FGF14: variants seen among roughly 807,000 people sequenced by gnomAD.
The protein encoded by FGF14 is fibroblast growth factor homologous factor 4.
In FGF14, 5 loss-of-function variants were observed where a neutral mutation model predicts 25.5. The ratio of observed to expected loss-of-function variants is 0.20; its 90% confidence interval spans 0.10 to 0.41. FGF14 has a LOEUF of 0.41. FGF14 is among the 10% of genes least tolerant of loss of function. The pLI is 1.00. For synonymous variants in FGF14, 138 were observed against 118.3 expected (o/e 1.17, Z -1.08); for missense variants, 222 against 320.1 (o/e 0.69, Z 2.34).
At chr13:101,788,916 A>G (rs2040052542) in intron 3 of FGF14, among the ~76,000 whole-genome samples, 1 of 12,466 alleles carries the variant, frequency 8.0e-5, no homozygotes, top group East Asian at 5.0e-3. Flanking sequence ...ATATAGAGAG[A>G]GAGAGAGAGA....
At chr13:102,202,627 G>A (rs2049714945) in intron 1 of FGF14, among the ~76,000 whole-genome samples, 2 of 152,204 alleles carry the variant, frequency 1.3e-5, no homozygotes, top group Admixed American at 1.3e-4. Context: ...TTAGCAGTAT[G>A]GCTGTTGCTA....
chr13:101,873,897 A>G (rs77728370), intron 2 of FGF14, among the ~76,000 whole-genome samples: 6,784 of 152,166 alleles, frequency 0.045, 418 homozygotes, highest in African/African-American at 0.13. Context: ...AAACATAAAA[A>G]GGAAAAATTT....
chr13:102,396,845 T>G (rs2058596852), intron 1 of FGF14, among the ~76,000 whole-genome samples: 1 of 152,218 alleles, frequency 6.6e-6, no homozygotes, highest in Admixed American at 6.5e-5. Flanking sequence ...CTACCTAAAA[T>G]GCCATCCTTT....
intron 1 of FGF14, among the ~76,000 whole-genome samples, chr13:102,042,369 TA>T (rs774681869): frequency 1.6e-4 from 25 of 152,218 alleles, no homozygotes; most frequent in Non-Finnish European, 2.9e-4. Flanking sequence ...CACTGCAGTC[TA>T]GCTCAGTGAA....
chr13:101,736,938 T>TG (rs1389292695), intron 3 of FGF14, among the ~76,000 whole-genome samples: 1 of 150,576 alleles, frequency 6.6e-6, no homozygotes, highest in African/African-American at 2.4e-5. Context: ...ACAACAGCAA[T>TG]GGCAACCACA....
intron 1 of FGF14, among the ~76,000 whole-genome samples, chr13:102,191,498 G>A (rs1594346714): frequency 1.3e-5 from 2 of 152,120 alleles, no homozygotes; most frequent in South Asian, 4.2e-4. Context: ...TCTTTTAAGG[G>A]CACTAATCCC....
intron 1 of FGF14, among the ~76,000 whole-genome samples, chr13:102,158,056 C>G (rs981709840): frequency 6.6e-6 from 1 of 152,184 alleles, no homozygotes; most frequent in Admixed American, 6.5e-5. Flanking sequence ...AATAGGAATA[C>G]TTTTACACTG....
intron 1 of FGF14, among the ~76,000 whole-genome samples, chr13:101,924,379 G>A (rs539844581): frequency 4.6e-5 from 7 of 152,200 alleles, no homozygotes; most frequent in African/African-American, 1.7e-4. Context: ...CACACATGTT[G>A]TATGCATTTG....
At chr13:102,019,388 G>A (rs773582357) in intron 1 of FGF14, among the ~76,000 whole-genome samples, 2 of 152,120 alleles carry the variant, frequency 1.3e-5, no homozygotes, top group African/African-American at 4.8e-5. Flanking sequence ...CCCTCTACTA[G>A]TGAAGACTTT....
At chr13:102,098,285 CGTGT>C (rs1490303079) in intron 1 of FGF14, among the ~76,000 whole-genome samples, 2 of 152,150 alleles carry the variant, frequency 1.3e-5, no homozygotes, top group Non-Finnish European at 2.9e-5. Context: ...TCTAGAAAGT[CGTGT>C]CCCTAGATAT....
intron 1 of FGF14, among the ~76,000 whole-genome samples, chr13:101,959,711 T>C (rs926212663): frequency 1.3e-4 from 20 of 152,180 alleles, no homozygotes; most frequent in African/African-American, 4.8e-4. Context: ...TCTGAGTGTT[T>C]TGTTCATACT....
intron 1 of FGF14, among the ~76,000 whole-genome samples, chr13:102,120,348 C>T (rs1047141467): frequency 6.6e-6 from 1 of 152,130 alleles, no homozygotes; most frequent in East Asian, 1.9e-4. Context: ...CCAAAAGTAC[C>T]GCTAAGCCAT....
chr13:102,278,465 A>C (rs1426174498), intron 1 of FGF14, among the ~76,000 whole-genome samples: 3 of 152,174 alleles, frequency 2.0e-5, no homozygotes, highest in Non-Finnish European at 2.9e-5. Context: ...GCATTTCACC[A>C]TCTGATGAGG....
rs547239550 is a variant in FGF14 at position 102,200,877 on chromosome 13, C to T, written c.208+200594G>A. ...CAGCACATTGGGAGGACAAGGCGGGCGGATCATGAGGTCGGGAGATCGAGA... is the reference window on the plus strand; with the variant it reads ...CAGCACATTGGGAGGACAAGGCGGGTGGATCATGAGGTCGGGAGATCGAGA... On this transcript the variant is annotated intron_variant, in intron 1 of 4. Coordinates refer to the FGF14 transcript ENST00000376131. Among the ~76,000 whole-genome samples the T allele has an allele frequency of 3.6e-4, 55 of 151,760 alleles. No individual in the cohort carries two copies. In the South Asian group the frequency reaches 0.011, roughly 30 times the overall value.
chr13:102,257,563 C>T (rs1297245183), intron 1 of FGF14, among the ~76,000 whole-genome samples: 1 of 151,614 alleles, frequency 6.6e-6, no homozygotes, highest in African/African-American at 2.4e-5. Context: ...AAACTCCTGA[C>T]CTGAAGTGAT....
intron 1 of FGF14, among the ~76,000 whole-genome samples, chr13:102,082,219 C>T (rs1186859836): frequency 6.8e-6 from 1 of 147,198 alleles, no homozygotes; most frequent in African/African-American, 2.5e-5. Context: ...TCTATTATCT[C>T]ATAGAAGGGG....
chr13:101,862,130 C>T (rs956637973), intron 3 of FGF14, among the ~76,000 whole-genome samples: 11 of 152,002 alleles, frequency 7.2e-5, no homozygotes, highest in East Asian at 3.9e-4. Context: ...TTCTACACCA[C>T]GTAGAAAGTT....
intron 3 of FGF14, among the ~76,000 whole-genome samples, chr13:101,820,248 A>C (rs1193222415): frequency 6.6e-6 from 1 of 152,214 alleles, no homozygotes; most frequent in Non-Finnish European, 1.5e-5. Flanking sequence ...TATAAAGAAA[A>C]AAAAACAGTT....
intron 1 of FGF14, among the ~76,000 whole-genome samples, chr13:102,023,257 A>G (rs1283369185): frequency 6.6e-6 from 1 of 152,056 alleles, no homozygotes; most frequent in East Asian, 1.9e-4. Flanking sequence ...CCTAGAAAGA[A>G]GCAAACCAAT....
Sources: allele counts gnomAD v4.1 joint callset (sites outside exome capture counted in the v4.1 genomes callset), GRCh38; gene constraint gnomAD v4.1.1; transcripts MANE v1.5; gene names NCBI Gene and HGNC (gene_info 2026-07-23, HGNC 2026-07-21).